RNF128: variants seen among roughly 807,000 people sequenced by gnomAD.
RNF128 encodes the protein ring finger protein 128.
RNF128 carries 13 observed loss-of-function variants against 26.2 expected under a neutral mutation model. The ratio of observed to expected loss-of-function variants is 0.50; its 90% CI spans 0.32 to 0.79. The LOEUF is 0.79. Ranked by LOEUF, RNF128 falls within the 30% of genes least tolerant of loss-of-function variation. The pLI is 0.03. For missense variants in RNF128, 315 were observed against 349.7 expected, an observed-to-expected ratio of 0.90 and a Z score of 0.79; for synonymous variants, 149 against 142.5, an observed-to-expected ratio of 1.05 and a Z score of -0.32.
At chrX:106,745,222 A>G (rs981415242) in intron 1 of RNF128, among the ~76,000 whole-genome samples, 1 of 111,660 alleles carries the variant, frequency 9.0e-6, no homozygotes, top group African/African-American at 3.2e-5. Flanking sequence ...CTAGAGGTGC[A>G]GGGCAGAAAG....
intron 2 of RNF128, among the ~76,000 whole-genome samples, chrX:106,783,420 A>T (rs781004506): frequency 9.0e-6 from 1 of 111,448 alleles, no homozygotes; most frequent in Non-Finnish European, 1.9e-5. Context: ...TTTATTGAGT[A>T]TCTGCTATAT....
chrX:106,753,311 G>T lies in RNF128; in HGVS notation c.485-19602G>T, dbSNP rs193098876. 5.4e-4 allele frequency among the ~76,000 whole-genome samples: 60 copies of T among 111,103 alleles called. 1 individual carries two copies. Among genetic ancestry groups the T allele is most frequent in the Non-Finnish European group, 2.3e-4 (12 of 52,980 alleles). On this transcript the variant is annotated intron_variant, in intron 1 of 6. Coordinates refer to ENST00000255499, the MANE Select transcript of RNF128 (RefSeq NM_194463.2). ...AATAAAAATGTAAAAAGCCATGGAG[G>T]GGATAAAGTTAAAGTATAGAGTTTC...
At chrX:106,777,836 G>A (rs1486886603) in intron 2 of RNF128, among the ~76,000 whole-genome samples, 1 of 111,135 alleles carries the variant, frequency 9.0e-6, no homozygotes, top group Non-Finnish European at 1.9e-5. Context: ...CAGGCATGGT[G>A]GCATGTGCCT....
At chrX:106,712,058 C>T (rs1454539458) in intron 1 of RNF128, among the ~76,000 whole-genome samples, 1 of 112,321 alleles carries the variant, frequency 8.9e-6, no homozygotes, top group Admixed American at 9.4e-5. Flanking sequence ...TAATTACCTG[C>T]ATGTGGCTAG....
intron 1 of RNF128, among the ~76,000 whole-genome samples, chrX:106,738,283 G>A (rs1240219143): frequency 9.0e-6 from 1 of 111,372 alleles, no homozygotes; most frequent in African/African-American, 3.3e-5. Context: ...CATTTTCCAT[G>A]ATATTATAAA....
intron 1 of RNF128, among the ~76,000 whole-genome samples, chrX:106,720,551 G>T (rs1929292466): frequency 9.1e-6 from 1 of 110,403 alleles, no homozygotes; most frequent in Non-Finnish European, 1.9e-5. Context: ...GGGCTGCTCA[G>T]CAGGATTCTG....
At chrX:106,757,189 A>G (rs1930030384) in intron 1 of RNF128, among the ~76,000 whole-genome samples, 1 of 37,894 alleles carries the variant, frequency 2.6e-5, no homozygotes, top group African/African-American at 1.2e-4. Context: ...TTCCTCAGGG[A>G]TCTAGAACTA....
intron 1 of RNF128, among the ~76,000 whole-genome samples, chrX:106,749,089 A>G (rs1308046060): frequency 8.9e-6 from 1 of 111,898 alleles, no homozygotes; most frequent in Non-Finnish European, 1.9e-5. Context: ...AAAAAATGCC[A>G]TCCTTCACAT....
chrX:106,732,434 A>T (rs927372242), intron 1 of RNF128, among the ~76,000 whole-genome samples: 7 of 111,888 alleles, frequency 6.3e-5, no homozygotes, highest in Non-Finnish European at 9.4e-5. Context: ...CATGCTCTAG[A>T]AATGCTTGCT....
At chrX:106,740,912 T>C (rs1241977599) in intron 1 of RNF128, among the ~76,000 whole-genome samples, 1 of 111,792 alleles carries the variant, frequency 8.9e-6, no homozygotes, top group Non-Finnish European at 1.9e-5. Flanking sequence ...TGTTTCACCT[T>C]TTCTTATCAA....
chrX:106,790,427 A>C, intron 5 of RNF128, 145 bp downstream of exon 5: 1 of 343,981 alleles, frequency 2.9e-6, no homozygotes, highest in Non-Finnish European at 5.2e-6. Flanking sequence ...TCATATAGAC[A>C]ATGAGGTGCC....
upstream of RNF128, among the ~76,000 whole-genome samples, chrX:106,726,317 C>T (rs911027580): frequency 1.8e-5 from 2 of 111,073 alleles, no homozygotes; most frequent in African/African-American, 6.6e-5. Context: ...CCTTCCCTAC[C>T]CAAATTCCCT....
At chrX:106,704,619 C>A (rs1390682332) in intron 1 of RNF128, among the ~76,000 whole-genome samples, 4 of 110,254 alleles carry the variant, frequency 3.6e-5, no homozygotes, top group Non-Finnish European at 5.7e-5. Context: ...GCACAGGGAA[C>A]CCACAGTGAA....
intron 1 of RNF128, among the ~76,000 whole-genome samples, chrX:106,709,413 TAC>T (rs905062692): frequency 3.6e-5 from 4 of 112,173 alleles, no homozygotes; most frequent in African/African-American, 1.3e-4. Context: ...CAAGCAATAA[TAC>T]GTTATGAATC....
rs1930900925 is a variant in RNF128, at chrX:106,795,603, C to T, written c.1177C>T (p.His393Tyr). 2 of 1,197,906 alleles carry T rather than the reference C, an allele frequency of 1.7e-6. No homozygotes were observed. The highest frequency in any genetic ancestry group is 3.7e-5 in the South Asian group (2 of 53,515). Residue 393 changes from histidine (H) to tyrosine (Y), a missense_variant, in exon 7 of 7, where the codon CAT becomes TAT. Transcript: ENST00000255499. ...STNESLQLVN[H>Y]EANSVAVDVI... The stretch of plus-strand genomic sequence containing the variant: ...AGATGAAAGTCTACAGCTGGTAAAC[C>T]ATGAAGCAAATTCTGTGGCAGTGGA...
Position 106,795,878 on chromosome X carries a change from T to G in RNF128, c.*165T>G, listed in dbSNP as rs1930907877. On this transcript the variant is annotated 3_prime_UTR_variant, in exon 7 of 7. Transcript: ENST00000255499. ...GTTAAATGGCTTAAAATATTTAACC[T>G]GTTAACTTTTTTCCACAAACTCATT... is the stretch of plus-strand genomic sequence containing the variant. 5.7e-6 allele frequency: 2 copies of G among 352,436 alleles called. No homozygotes were observed. Among genetic ancestry groups the G allele is most frequent in the African/African-American group, 5.4e-5 (2 of 37,118 alleles). The allele number at this position is 352,436 out of a possible 1,213,427, so 29.0% of individuals were successfully genotyped here.
At chrX:106,784,709 G>GA (rs969488106) in intron 2 of RNF128, among the ~76,000 whole-genome samples, 35 of 110,777 alleles carry the variant, frequency 3.2e-4, no homozygotes, top group East Asian at 2.0e-3. Flanking sequence ...AAGGAAATTG[G>GA]AAAAAAAATG....
At chrX:106,764,658 T>G (rs1930182963) in intron 1 of RNF128, among the ~76,000 whole-genome samples, 1 of 110,351 alleles carries the variant, frequency 9.1e-6, no homozygotes, top group African/African-American at 3.3e-5. Context: ...GGAGCGAAAC[T>G]CCGTCTCAAA....
intron 1 of RNF128, among the ~76,000 whole-genome samples, chrX:106,739,168 C>CT (rs972061858): frequency 4.7e-5 from 5 of 106,877 alleles, no homozygotes; most frequent in South Asian, 4.2e-4. Context: ...TTCTTTCTGA[C>CT]TTTTTTTTTG....
Sources: gnomAD v4.1 joint callset for allele counts (sites outside exome capture counted in the v4.1 genomes callset) on GRCh38, gnomAD v4.1.1 for gene constraint, MANE v1.5 for transcripts, NCBI Gene and HGNC (gene_info 2026-07-23, HGNC 2026-07-21) for gene names.